PPM1H: variants seen among roughly 807,000 people sequenced by gnomAD.
PPM1H encodes the protein protein phosphatase 1H.
In PPM1H, 27 loss-of-function variants were observed where a neutral mutation model predicts 54.9. The ratio of observed to expected loss-of-function variants is 0.49; its 90% confidence interval spans 0.36 to 0.68. PPM1H has a LOEUF of 0.68. Among genes scored for constraint, PPM1H ranks in the 30% least tolerant of loss-of-function variants. The probability of loss-of-function intolerance (pLI) is 0.00; values close to 1 mark genes in which losing one functional copy is unlikely to be tolerated. For synonymous variants in PPM1H, 305 were observed against 270.8 expected (o/e 1.13, Z -1.24); for missense variants, 596 against 667.8 (o/e 0.89, Z 1.19).
chr12:62,801,321 T>C (rs1330974880), intron 3 of PPM1H, among the ~76,000 whole-genome samples: 1 of 147,854 alleles, frequency 6.8e-6, no homozygotes, highest in African/African-American at 2.6e-5. Flanking sequence ...CATCTTCTTT[T>C]ACTTTTTTTT....
At chr12:62,785,744 G>A (rs74098854) in intron 4 of PPM1H, among the ~76,000 whole-genome samples, 2,977 of 152,132 alleles carry the variant, frequency 0.02, 89 homozygotes, top group African/African-American at 0.068. Context: ...TCTTGGGACT[G>A]GCAGATTCCA....
intron 4 of PPM1H, among the ~76,000 whole-genome samples, chr12:62,776,687 C>T (rs2076613346): frequency 6.6e-6 from 1 of 152,206 alleles, no homozygotes; most frequent in Admixed American, 6.5e-5. Context: ...ACCCTAGCAC[C>T]TGTGATCATC....
At chr12:62,680,327 CTT>C (rs1277219004) in intron 8 of PPM1H, among the ~76,000 whole-genome samples, 1 of 145,426 alleles carries the variant, frequency 6.9e-6, no homozygotes, top group Non-Finnish European at 1.5e-5. Context: ...CTCTCTCTCT[CTT>C]TCTTTCTGTT....
chr12:62,867,786 G>A (rs1810407456), intron 1 of PPM1H, among the ~76,000 whole-genome samples: 4 of 151,014 alleles, frequency 2.6e-5, no homozygotes, highest in Middle Eastern at 3.2e-3. Flanking sequence ...GGGTTTCACC[G>A]TGTTAGCCAG....
At chr12:62,886,776 C>A (rs1396418826) in intron 1 of PPM1H, among the ~76,000 whole-genome samples, 1 of 152,180 alleles carries the variant, frequency 6.6e-6, no homozygotes, top group East Asian at 1.9e-4. Context: ...CTTTTCAAAT[C>A]TTTAAAAACT....
intron 2 of PPM1H, among the ~76,000 whole-genome samples, chr12:62,821,588 T>C (rs998443082): frequency 7.2e-5 from 11 of 152,308 alleles, no homozygotes; most frequent in African/African-American, 2.4e-4. Context: ...GCAGAAACTC[T>C]ACAAGCCAGA....
intron 4 of PPM1H, among the ~76,000 whole-genome samples, chr12:62,738,335 T>C (rs1162051115): frequency 6.6e-6 from 1 of 151,944 alleles, no homozygotes; most frequent in African/African-American, 2.4e-5. Flanking sequence ...CACTGTTGAA[T>C]TTCTAGGGTG....
intron 1 of PPM1H, among the ~76,000 whole-genome samples, chr12:62,901,981 C>G (rs981094721): frequency 1.3e-5 from 2 of 152,154 alleles, no homozygotes; most frequent in African/African-American, 4.8e-5. Flanking sequence ...ACGAAATAAT[C>G]CATCTGAAAC....
intron 1 of PPM1H, among the ~76,000 whole-genome samples, chr12:62,873,565 G>T (rs1422953040): frequency 6.6e-6 from 1 of 152,204 alleles, no homozygotes; most frequent in Non-Finnish European, 1.5e-5. Context: ...GGAGGTGAAA[G>T]TTACAAAGTT....
At chr12:62,676,432 G>A (rs1485787483) in intron 8 of PPM1H, among the ~76,000 whole-genome samples, 1 of 152,180 alleles carries the variant, frequency 6.6e-6, no homozygotes, top group Non-Finnish European at 1.5e-5. Context: ...GGTGGGACAG[G>A]AGCCCTGTCC....
At chr12:62,867,976 GT>G (rs921500291) in intron 1 of PPM1H, among the ~76,000 whole-genome samples, 3 of 152,106 alleles carry the variant, frequency 2.0e-5, no homozygotes, top group African/African-American at 7.2e-5. Context: ...GGTTGGTTAT[GT>G]TTTTCATTTT....
intron 2 of PPM1H, among the ~76,000 whole-genome samples, chr12:62,830,468 G>A (rs976591604): frequency 1.3e-5 from 2 of 152,130 alleles, no homozygotes; most frequent in African/African-American, 4.8e-5. Flanking sequence ...TGTTAGCCAG[G>A]ATGGTCTCGA....
intron 1 of PPM1H, among the ~76,000 whole-genome samples, chr12:62,865,874 A>G (rs1869756844): frequency 6.6e-6 from 1 of 152,200 alleles, no homozygotes; most frequent in African/African-American, 2.4e-5. Context: ...ACTCCCTATA[A>G]GACCCAGTTA....
At chr12:62,868,155 G>A (rs553169926) in intron 1 of PPM1H, among the ~76,000 whole-genome samples, 4 of 152,288 alleles carry the variant, frequency 2.6e-5, no homozygotes, top group African/African-American at 9.6e-5. Context: ...AGGATTGAAA[G>A]CAGTTTTCTT....
intron 6 of PPM1H, among the ~76,000 whole-genome samples, chr12:62,714,358 C>G (rs1172644475): frequency 6.6e-6 from 1 of 152,184 alleles, no homozygotes; most frequent in African/African-American, 2.4e-5. Context: ...TGGGCTAACT[C>G]CACTCTGCTC....
chr12:62,805,768 G>A (rs967721114), intron 2 of PPM1H, among the ~76,000 whole-genome samples: 5 of 152,140 alleles, frequency 3.3e-5, no homozygotes, highest in African/African-American at 7.2e-5. Flanking sequence ...TCTGGGGATC[G>A]AATGTACAGT....
At chr12:62,915,819 G>C (rs981783981) in intron 1 of PPM1H, among the ~76,000 whole-genome samples, 1 of 152,178 alleles carries the variant, frequency 6.6e-6, no homozygotes, top group Non-Finnish European at 1.5e-5. Context: ...CAGGCTCCAC[G>C]TGGGGATTCT....
intron 1 of PPM1H, among the ~76,000 whole-genome samples, chr12:62,889,508 T>A (rs770007547): frequency 3.7e-4 from 56 of 151,994 alleles, no homozygotes; most frequent in Admixed American, 5.2e-4. Context: ...ATTTAAAAAA[T>A]ATATATATAA....
rs910600133 is a variant in PPM1H at position 62,667,295 on chromosome 12, C to G, written c.1280G>C (p.Gly427Ala). The change falls in exon 9 of 10, where the codon GGA becomes GCA. Residue 427 changes from glycine (G) to alanine (A), a missense_variant. Transcript: ENST00000228705. Reference sequence around the variant, plus strand: ...GGCCAAGATCAGCACATCATCTGATCCATGATCATATTTTGAAAGATCGTA... The same window carrying G: ...GGCCAAGATCAGCACATCATCTGATGCATGATCATATTTTGAAAGATCGTA... Reference protein sequence around the residue: ...RIYDLSKYDHGSDDVLILATD... With the variant: ...RIYDLSKYDHASDDVLILATD... 1.1e-5 allele frequency: 18 copies of G among 1,604,600 alleles called. No individual in the cohort carries two copies. Among genetic ancestry groups the G allele is most frequent in the Non-Finnish European group, 1.5e-5 (18 of 1,174,686 alleles).
Sources: gnomAD v4.1 joint callset for allele counts (sites outside exome capture counted in the v4.1 genomes callset) on GRCh38, gnomAD v4.1.1 for gene constraint, MANE v1.5 for transcripts, NCBI Gene and HGNC (gene_info 2026-07-23, HGNC 2026-07-21) for gene names.